Variants in RGS7 observed in about 807,000 individuals in gnomAD.
The protein encoded by RGS7 is regulator of G protein signaling 7.
A neutral mutation model predicts 81.1 loss-of-function variants in RGS7; 27 were observed. The ratio of observed to expected loss-of-function variants is 0.33; its 90% CI spans 0.25 to 0.46. RGS7 has a LOEUF of 0.46. Ranked by LOEUF, RGS7 falls within the 20% of genes least tolerant of loss-of-function variation. The pLI, the probability that RGS7 is intolerant of heterozygous loss-of-function variation, is 1.00. For missense variants in RGS7, 396 were observed against 607.4 expected (o/e 0.65, Z 3.66); for synonymous variants, 208 against 207.7 (o/e 1.00, Z -0.01).
chr1:240,807,772 C>T (rs749609761), intron 14 of RGS7, among the ~76,000 whole-genome samples: 3 of 152,094 alleles, frequency 2.0e-5, no homozygotes, highest in African/African-American at 7.2e-5. Flanking sequence ...TGGTGGCTCA[C>T]GTCTGTAATC....
chr1:241,053,125 T>C (rs1431648338), intron 3 of RGS7, among the ~76,000 whole-genome samples: 1 of 152,126 alleles, frequency 6.6e-6, no homozygotes, highest in Non-Finnish European at 1.5e-5. Flanking sequence ...AGTGAAGTGG[T>C]TCACCAGAAT....
chr1:241,196,677 T>C (rs1321010214), intron 2 of RGS7, among the ~76,000 whole-genome samples: 1 of 152,042 alleles, frequency 6.6e-6, no homozygotes, highest in Non-Finnish European at 1.5e-5. Context: ...AGTAAATATG[T>C]GGATAAACAC....
chr1:241,029,648 A>G (rs996405859), intron 3 of RGS7, among the ~76,000 whole-genome samples: 32 of 152,356 alleles, frequency 2.1e-4, no homozygotes, highest in African/African-American at 7.7e-4. Flanking sequence ...CTTATTTACC[A>G]TCAGCTTTCT....
intron 14 of RGS7, among the ~76,000 whole-genome samples, chr1:240,810,449 T>TC (rs1414328270): frequency 1.9e-5 from 1 of 51,342 alleles, no homozygotes; most frequent in Non-Finnish European, 7.0e-5. Context: ...TGCATTCTTT[T>TC]TTTTTTTTTT....
chr1:240,882,244 G>T (rs1298563798), intron 6 of RGS7, among the ~76,000 whole-genome samples: 1 of 152,104 alleles, frequency 6.6e-6, no homozygotes, highest in Non-Finnish European at 1.5e-5. Flanking sequence ...CCTCCTGGGA[G>T]GTGGTGTCCT....
chr1:240,972,247 G>A (rs372291022), intron 4 of RGS7, among the ~76,000 whole-genome samples: 16 of 151,912 alleles, frequency 1.1e-4, no homozygotes, highest in African/African-American at 3.9e-4. Context: ...TGCAGGACAC[G>A]TATGTTTATT....
At chr1:241,094,362 C>CATATT (rs1157943698) in intron 3 of RGS7, among the ~76,000 whole-genome samples, 15 of 152,038 alleles carry the variant, frequency 9.9e-5, no homozygotes, top group African/African-American at 3.4e-4. Flanking sequence ...CTATAATGTA[C>CATATT]ATACACCACT....
intron 3 of RGS7, among the ~76,000 whole-genome samples, chr1:241,001,752 A>C (rs1688173279): frequency 6.6e-6 from 1 of 152,214 alleles, no homozygotes; most frequent in South Asian, 2.1e-4. Context: ...TGGAGAGAGT[A>C]AAAAGATCAC....
At chr1:241,167,576 T>C (rs2070366239) in intron 2 of RGS7, among the ~76,000 whole-genome samples, 1 of 151,762 alleles carries the variant, frequency 6.6e-6, no homozygotes, top group Admixed American at 6.6e-5. Context: ...TGGAGGGCAA[T>C]GGCGCAATCT....
chr1:241,056,958 C>T (rs979812587), intron 3 of RGS7, among the ~76,000 whole-genome samples: 2 of 152,152 alleles, frequency 1.3e-5, no homozygotes, highest in African/African-American at 4.8e-5. Flanking sequence ...AATACACAGT[C>T]CTTTTTTGTC....
chr1:241,190,223 C>T (rs1308012318), intron 2 of RGS7, among the ~76,000 whole-genome samples: 1 of 152,098 alleles, frequency 6.6e-6, no homozygotes, highest in East Asian at 1.9e-4. Flanking sequence ...AATCTTGATA[C>T]TATAGTGACA....
intron 2 of RGS7, among the ~76,000 whole-genome samples, chr1:241,197,924 C>T (rs944564508): frequency 7.0e-6 from 1 of 143,256 alleles, no homozygotes; most frequent in Non-Finnish European, 1.5e-5. Flanking sequence ...GCATAATTTA[C>T]CAAAATTAAA....
intron 14 of RGS7, among the ~76,000 whole-genome samples, chr1:240,811,392 C>G (rs1689823720): frequency 6.6e-6 from 1 of 152,232 alleles, no homozygotes; most frequent in Non-Finnish European, 1.5e-5. Flanking sequence ...GTCACTCTCT[C>G]ACGAACAGCT....
intron 2 of RGS7, among the ~76,000 whole-genome samples, chr1:241,181,931 C>T (rs1233010189): frequency 6.6e-6 from 1 of 152,264 alleles, no homozygotes; most frequent in East Asian, 1.9e-4. Context: ...AAATTCCTGG[C>T]ATCAAACAAT....
chr1:241,320,192 C>T (rs940883815), intron 2 of RGS7, among the ~76,000 whole-genome samples: 2 of 152,224 alleles, frequency 1.3e-5, no homozygotes, highest in Admixed American at 1.3e-4. Flanking sequence ...AAGCATCATG[C>T]TAATTCCAAC....
At chr1:241,328,228 T>C (rs1369545128) in intron 2 of RGS7, among the ~76,000 whole-genome samples, 2 of 152,230 alleles carry the variant, frequency 1.3e-5, no homozygotes, top group African/African-American at 4.8e-5. Flanking sequence ...GGTAAGGGAT[T>C]GTATTTGGAG....
In RGS7 at chr1:240,929,448, G is replaced by A. The variant is rs183042007; in HGVS notation, c.385+1269C>T. On this transcript the variant is annotated intron_variant, in intron 6 of 18. Coordinates refer to ENST00000440928, the MANE Select transcript of RGS7 (RefSeq NM_001364886.1). ...ACTGGAAAGAAATAATTTTGTCTCC[G>A]TATTAATTTTTCGGTATTCTGGTTT... Among the ~76,000 whole-genome samples the A allele has an allele frequency of 4.6e-4, 70 of 151,922 alleles. No homozygotes were observed. The East Asian group carries it at 5.4e-3, about 12-fold the overall frequency.
At chr1:241,140,789 A>G (rs1285008894) in intron 2 of RGS7, among the ~76,000 whole-genome samples, 1 of 152,206 alleles carries the variant, frequency 6.6e-6, no homozygotes, top group African/African-American at 2.4e-5. Context: ...GAGATAAGCA[A>G]AACTCCTTTG....
chr1:241,284,020 C>T (rs2078665717), intron 2 of RGS7, among the ~76,000 whole-genome samples: 1 of 152,004 alleles, frequency 6.6e-6, no homozygotes, highest in Non-Finnish European at 1.5e-5. Flanking sequence ...TTTACTGAGG[C>T]TTTCTATTTT....
Sources: gnomAD v4.1 joint callset for allele counts (sites outside exome capture counted in the v4.1 genomes callset) on GRCh38, gnomAD v4.1.1 for gene constraint, MANE v1.5 for transcripts, NCBI Gene and HGNC (gene_info 2026-07-23, HGNC 2026-07-21) for gene names.